Variants in RNASE10 observed in about 807,000 individuals in gnomAD.
The protein encoded by RNASE10 is inactive ribonuclease-like protein 10.
Under a neutral mutation model 1.1 loss-of-function variants are expected in RNASE10, and 2 were observed. The observed-to-expected ratio is 1.82, with a 90% CI of 0.74 to 5.73. The LOEUF (loss-of-function observed/expected upper bound fraction) is 5.73. Among genes scored for constraint, RNASE10 ranks in the 30% most tolerant of loss-of-function variants. The pLI is 0.05. For missense variants in RNASE10, 276 were observed against 263.4 expected, an observed-to-expected ratio of 1.05 and a Z score of -0.33; for synonymous variants, 97 against 96.2, an observed-to-expected ratio of 1.01 and a Z score of -0.05.
intron 1 of RNASE10, 31 bp from the exon 2 acceptor site, chr14:20,510,436 C>A: frequency 6.3e-7 from 1 of 1,579,670 alleles, no homozygotes. Flanking sequence ...ATCTCAAAGT[C>A]ACGTTCTTCC....
exon 1 of RNASE10, chr14:20,505,704 T>G (rs1232282957): frequency 1.0e-5 from 1 of 100,358 alleles, no homozygotes; most frequent in East Asian, 2.3e-4. Context: ...CCTCCCAAAG[T>G]GCCGAGATTG....
At position 20,505,751 on chromosome 14, in the gene RNASE10, A is replaced by G; in HGVS notation, c.-190A>G. 1 of 105,808 alleles carries G rather than the reference A, an allele frequency of 9.5e-6. No individual in the cohort carries two copies. Among genetic ancestry groups the G allele is most frequent in the East Asian group, 2.3e-4 (1 of 4,438 alleles). 6.6% of individuals were successfully genotyped at this position (105,808 alleles called of 1,614,324 possible). ...TGGCCGCCACCCCGTCTGGGAAGTG[A>G]GGAGCGTCTCTGCCTGGCCGCCCAT... On this transcript the variant is annotated 5_prime_UTR_variant, in exon 1 of 2. The change abolishes the stop of an existing upstream ORF in the 5' untranslated region. Transcript: ENST00000430083.
At chr14:20,504,714 G>T, upstream of RNASE10, among the ~76,000 whole-genome samples, 1 of 76,562 alleles carries the variant, frequency 1.3e-5, no homozygotes, top group Non-Finnish European at 2.7e-5. Context: ...AAAGGAATCT[G>T]TCATTACAAC....
exon 2 of RNASE10, chr14:20,510,863 G>T (rs2067648): frequency 3.7e-6 from 6 of 1,613,996 alleles, no homozygotes; most frequent in Non-Finnish European, 4.2e-6. Flanking sequence ...AAGGAGCCCA[G>T]TCAGAGTTGC....
At chr14:20,506,596 C>T (rs1473905113) in intron 1 of RNASE10, among the ~76,000 whole-genome samples, 2 of 105,106 alleles carry the variant, frequency 1.9e-5, no homozygotes, top group African/African-American at 8.7e-5. Context: ...CCCGGCCAGC[C>T]GCCCAGTCCG....
At chr14:20,509,030 C>T (rs1882828970) in intron 1 of RNASE10, among the ~76,000 whole-genome samples, 1 of 151,940 alleles carries the variant, frequency 6.6e-6, no homozygotes. Context: ...ATGAGACTGG[C>T]CTAGCAAGAC....
At position 20,510,736 on chromosome 14, in the gene RNASE10, G is replaced by A. The variant is rs746879131; in HGVS notation, c.349G>A (p.Asp117Asn). ...GCCAGAAGATCCCATCCTCGGTGAA[G>A]ATGAGGTTGGGGGTAACAAGATGCT... The change falls in exon 2 of 2, where the codon GAT (aspartate) becomes AAT (asparagine). Residue 117 changes from aspartate to asparagine, a missense_variant. By Grantham distance (23) the Asp-to-Asn change is conservative. Transcript: ENST00000430083. The A allele has an allele frequency of 8.1e-6, 13 of 1,614,132 alleles. No individual in the cohort carries two copies. In the South Asian group the frequency reaches 1.1e-4, roughly 14 times the overall value.
downstream of RNASE10, among the ~76,000 whole-genome samples, chr14:20,511,619 C>T (rs1262331753): frequency 6.6e-6 from 1 of 152,108 alleles, no homozygotes; most frequent in Admixed American, 6.5e-5. Context: ...CTTCCTTTTC[C>T]GAGCTTGGAA....
upstream of RNASE10, among the ~76,000 whole-genome samples, chr14:20,504,706 A>AAAAAAAAAAAAT: frequency 6.9e-6 from 1 of 145,592 alleles, no homozygotes; most frequent in Admixed American, 6.9e-5. Context: ...AAAAAAAAAA[A>AAAAAAAAAAAAT]GGAATCTGTC....
At chr14:20,510,577 G>A in exon 2 of RNASE10, 1 of 1,614,206 alleles carries the variant, frequency 6.2e-7, no homozygotes, top group Non-Finnish European at 8.5e-7. Flanking sequence ...AGTCTTGGAG[G>A]AGAGTGATCA....
chr14:20,509,924 C>A (rs1356758698), intron 1 of RNASE10, among the ~76,000 whole-genome samples: 1 of 142,072 alleles, frequency 7.0e-6, no homozygotes, highest in Admixed American at 7.4e-5. Context: ...AGTTTGAGAC[C>A]AGCCTGGGCA....
intron 1 of RNASE10, among the ~76,000 whole-genome samples, chr14:20,506,433 G>T (rs1882720477): frequency 7.6e-6 from 1 of 131,960 alleles, no homozygotes; most frequent in African/African-American, 3.0e-5. Context: ...CCGTCCGGGA[G>T]GGGGGAGGGG....
At chr14:20,506,365 G>A (rs8009070) in intron 1 of RNASE10, among the ~76,000 whole-genome samples, 1 of 121,074 alleles carries the variant, frequency 8.3e-6, no homozygotes, top group African/African-American at 3.4e-5. Flanking sequence ...GGTGAGGGGC[G>A]CCTCTGCCCG....
chr14:20,513,741 C>G (rs531040634), downstream of RNASE10, among the ~76,000 whole-genome samples: 2 of 152,258 alleles, frequency 1.3e-5, no homozygotes, highest in South Asian at 4.1e-4. Context: ...TAAACATACA[C>G]ACATTAACAT....
At chr14:20,509,953 C>A (rs1167719644) in intron 1 of RNASE10, among the ~76,000 whole-genome samples, 227 of 121,470 alleles carry the variant, frequency 1.9e-3, no homozygotes, top group Middle Eastern at 4.0e-3. Flanking sequence ...AGACTCGTCT[C>A]AAAAAAAAAA....
chr14:20,506,195 GC>G (rs1335600968), intron 1 of RNASE10, among the ~76,000 whole-genome samples, 176 bp downstream of exon 1: 2 of 120,166 alleles, frequency 1.7e-5, no homozygotes, highest in African/African-American at 3.1e-5. Flanking sequence ...GGGGGGGTCA[GC>G]CCCCCGCCCG....
chr14:20,509,572 G>A (rs1236328086), intron 1 of RNASE10, among the ~76,000 whole-genome samples: 2 of 152,222 alleles, frequency 1.3e-5, no homozygotes, highest in Admixed American at 6.5e-5. Context: ...CCTCAGCTTA[G>A]GAGTAAGAAT....
chr14:20,510,965 A>T, exon 2 of RNASE10: 1 of 1,605,314 alleles, frequency 6.2e-7, no homozygotes, highest in Non-Finnish European at 8.5e-7. Context: ...AAGGGGGGAA[A>T]ATGTCACAAA....
At chr14:20,513,155 T>C (rs2139374287), downstream of RNASE10, among the ~76,000 whole-genome samples, 1 of 152,320 alleles carries the variant, frequency 6.6e-6, no homozygotes, top group Admixed American at 6.5e-5. Flanking sequence ...GGCATACTCA[T>C]CTCCTCCGGG....
Sources: gnomAD v4.1 joint callset for allele counts (sites outside exome capture counted in the v4.1 genomes callset) on GRCh38, gnomAD v4.1.1 for gene constraint, MANE v1.5 for transcripts, NCBI Gene and HGNC (gene_info 2026-07-23, HGNC 2026-07-21) for gene names.